ADAMTSL3: variants seen among roughly 807,000 people sequenced by gnomAD.
The protein encoded by ADAMTSL3 is ADAMTS-like protein 3.
Under a neutral mutation model 201.7 loss-of-function variants are expected in ADAMTSL3, and 128 were observed. The observed-to-expected ratio is 0.63, with a 90% CI of 0.55 to 0.73. The LOEUF is 0.73. Among genes scored for constraint, ADAMTSL3 ranks in the 30% least tolerant of loss-of-function variants. ADAMTSL3 has a pLI of 0.00. For missense variants in ADAMTSL3, 1,990 were observed against 2,119.6 expected, an observed-to-expected ratio of 0.94 and a Z score of 1.20; for synonymous variants, 738 against 748.4, an observed-to-expected ratio of 0.99 and a Z score of 0.23.
chr15:83,818,618 C>T (rs550421759), intron 5 of ADAMTSL3, among the ~76,000 whole-genome samples: 346 of 152,324 alleles, frequency 2.3e-3, no homozygotes, highest in Non-Finnish European at 3.4e-3. Context: ...TGAGCCACCA[C>T]GCCTGGCGGC....
intron 17 of ADAMTSL3, among the ~76,000 whole-genome samples, chr15:83,932,813 T>A (rs1225898482): frequency 2.6e-5 from 4 of 152,166 alleles, no homozygotes; most frequent in Admixed American, 2.0e-4. Flanking sequence ...CAAAATTTTT[T>A]AAAAACACAT....
intron 7 of ADAMTSL3, among the ~76,000 whole-genome samples, chr15:83,852,152 G>T (rs150307176): frequency 6.6e-6 from 1 of 151,724 alleles, no homozygotes; most frequent in African/African-American, 2.4e-5. Context: ...TTGCTCTGTC[G>T]CCCAGGCTGG....
At chr15:83,858,273 G>A (rs1490348056) in intron 7 of ADAMTSL3, among the ~76,000 whole-genome samples, 1 of 152,156 alleles carries the variant, frequency 6.6e-6, no homozygotes, top group East Asian at 1.9e-4. Flanking sequence ...GGTAGGCAGT[G>A]CATTTACTTT....
intron 2 of ADAMTSL3, among the ~76,000 whole-genome samples, chr15:83,700,656 A>G (rs2141490132): frequency 6.6e-6 from 1 of 152,220 alleles, no homozygotes; most frequent in East Asian, 1.9e-4. Context: ...CCCAGCTACT[A>G]GGAAGGCTGA....
intron 4 of ADAMTSL3, among the ~76,000 whole-genome samples, chr15:83,802,429 A>G (rs909710910): frequency 6.6e-6 from 1 of 152,222 alleles, no homozygotes; most frequent in Non-Finnish European, 1.5e-5. Flanking sequence ...GCATTTTTTC[A>G]TACTTACCCA....
chr15:83,740,122 A>T (rs891104509), intron 3 of ADAMTSL3: 10 of 285,856 alleles, frequency 3.5e-5, no homozygotes, highest in Non-Finnish European at 6.7e-5. Flanking sequence ...ATTGGCAAGG[A>T]GATCATTGAC....
chr15:83,741,302 C>A (rs1180051577), intron 3 of ADAMTSL3, among the ~76,000 whole-genome samples: 1 of 151,664 alleles, frequency 6.6e-6, no homozygotes, highest in East Asian at 1.9e-4. Context: ...TGCATCTTCA[C>A]CAAGTGTGGT....
chr15:83,811,891 G>A (rs2141885157), intron 5 of ADAMTSL3, among the ~76,000 whole-genome samples: 1 of 152,282 alleles, frequency 6.6e-6, no homozygotes, highest in South Asian at 2.1e-4. Flanking sequence ...AGTGTCCAGA[G>A]CATCCCTTTG....
chr15:83,666,554 C>T (rs968150232), intron 2 of ADAMTSL3, among the ~76,000 whole-genome samples: 8 of 152,090 alleles, frequency 5.3e-5, no homozygotes, highest in African/African-American at 1.4e-4. Flanking sequence ...AATGGAATAA[C>T]AGGACTGGGC....
chr15:83,847,469 G>A (rs2141726926), intron 7 of ADAMTSL3, among the ~76,000 whole-genome samples: 1 of 148,848 alleles, frequency 6.7e-6, no homozygotes, highest in Admixed American at 6.7e-5. Context: ...TGCAGACCCT[G>A]TTCTGTACAA....
chr15:83,901,348 AAAGGAGGAAGGAGTTT>A (rs1228042811), intron 15 of ADAMTSL3, among the ~76,000 whole-genome samples: 1 of 152,082 alleles, frequency 6.6e-6, no homozygotes, highest in Non-Finnish European at 1.5e-5. Flanking sequence ...TCCAGAGACC[AAAGGAGGAAGGAGTTT>A]AAGGAGGCAA....
intron 4 of ADAMTSL3, among the ~76,000 whole-genome samples, chr15:83,792,170 A>G (rs2063354821): frequency 6.6e-6 from 1 of 152,248 alleles, no homozygotes; most frequent in Admixed American, 6.5e-5. Flanking sequence ...GTAGCAAGAA[A>G]AAAATAACCT....
At chr15:83,895,573 T>C (rs1306612063) in intron 13 of ADAMTSL3, among the ~76,000 whole-genome samples, 1 of 152,188 alleles carries the variant, frequency 6.6e-6, no homozygotes, top group African/African-American at 2.4e-5. Flanking sequence ...CGAGGACATA[T>C]GCAGCTCCAC....
intron 7 of ADAMTSL3, among the ~76,000 whole-genome samples, chr15:83,856,023 C>G (rs1274041872): frequency 6.6e-6 from 1 of 151,808 alleles, no homozygotes; most frequent in African/African-American, 2.4e-5. Flanking sequence ...AAAACAAAAA[C>G]AAAACAAAAC....
intron 17 of ADAMTSL3, among the ~76,000 whole-genome samples, chr15:83,931,670 A>G (rs1430296764): frequency 2.0e-5 from 3 of 152,188 alleles, no homozygotes; most frequent in Non-Finnish European, 4.4e-5. Flanking sequence ...ATACAGATCA[A>G]TGGTAGATGC....
intron 3 of ADAMTSL3, among the ~76,000 whole-genome samples, chr15:83,749,287 G>T (rs1171796913): frequency 4.6e-5 from 7 of 152,146 alleles, no homozygotes; most frequent in Admixed American, 3.3e-4. Flanking sequence ...CCTGGCCAGG[G>T]ATGTGACCCT....
chr15:83,844,094 G>C (rs2064442722), intron 7 of ADAMTSL3, among the ~76,000 whole-genome samples: 1 of 152,198 alleles, frequency 6.6e-6, no homozygotes, highest in Non-Finnish European at 1.5e-5. Flanking sequence ...CCACATCAGG[G>C]CACACGTGTG....
rs199694682 is a variant in ADAMTSL3 at position 83,970,563 on chromosome 15, C to T, written c.2570C>T (p.Pro857Leu). The T allele has an allele frequency of 3.1e-6, 5 of 1,614,072 alleles. No homozygotes were observed. The highest frequency in any genetic ancestry group is 4.2e-6 in the Non-Finnish European group (5 of 1,180,056). Residue 857 changes from proline (P) to leucine (L), a missense_variant, in exon 20 of 30, where the codon CCC becomes CTC. Coordinates refer to ENST00000286744, the MANE Select transcript of ADAMTSL3 (RefSeq NM_207517.3). ...CTGGCAGCCAAAGGTCGGCGCATCC[C>T]CCTCAGTGAGATGATGTGCAGGGAT... ...QRLAAKGRRI[P>L]LSEMMCRDLP...
intron 16 of ADAMTSL3, 76 bp downstream of exon 16, chr15:83,913,454 C>A (rs112823713): frequency 2.1e-6 from 3 of 1,457,532 alleles, no homozygotes; most frequent in Non-Finnish European, 1.9e-6. Context: ...ATCAGGTAAG[C>A]CAAATATGCA....
Sources: gnomAD v4.1 joint callset for allele counts (sites outside exome capture counted in the v4.1 genomes callset) on GRCh38, gnomAD v4.1.1 for gene constraint, MANE v1.5 for transcripts, NCBI Gene and HGNC (gene_info 2026-07-23, HGNC 2026-07-21) for gene names.